Variants in UBE2H observed in about 807,000 individuals in gnomAD.
UBE2H encodes ubiquitin conjugating enzyme E2 H.
UBE2H carries 3 observed loss-of-function variants against 29.0 expected under a neutral mutation model. The ratio of observed to expected loss-of-function variants is 0.10; its 90% confidence interval spans 0.05 to 0.27. The LOEUF is 0.27. Ranked by LOEUF, UBE2H falls within the 10% of genes least tolerant of loss-of-function variation. UBE2H has a pLI of 1.00. For synonymous variants in UBE2H, 69 were observed against 82.9 expected, an observed-to-expected ratio of 0.83 and a Z score of 0.91; for missense variants, 68 against 228.2, an observed-to-expected ratio of 0.30 and a Z score of 4.52.
intron 5 of UBE2H, among the ~76,000 whole-genome samples, chr7:129,841,764 T>C (rs1401568293): frequency 6.6e-6 from 1 of 152,180 alleles, no homozygotes; most frequent in East Asian, 1.9e-4. Flanking sequence ...AGAACGGTCC[T>C]AAAGAGCCAC....
At chr7:129,951,473 T>C (rs1584807176) in intron 1 of UBE2H, 1 of 149,270 alleles carries the variant, frequency 6.7e-6, no homozygotes, top group Non-Finnish European at 1.5e-5. Flanking sequence ...CCCCCTACCC[T>C]CTAAACTACC....
intron 1 of UBE2H, among the ~76,000 whole-genome samples, chr7:129,893,643 C>T (rs540002295): frequency 5.3e-4 from 81 of 152,270 alleles, no homozygotes; most frequent in Non-Finnish European, 9.3e-4. Context: ...ACTTCAGTTA[C>T]GCACTTTAAA....
chr7:129,838,785 C>A (rs1472900630), intron 6 of UBE2H, among the ~76,000 whole-genome samples: 2 of 152,012 alleles, frequency 1.3e-5, no homozygotes, highest in South Asian at 4.2e-4. Context: ...ACTACAGGCG[C>A]GTGCCACCAC....
intron 5 of UBE2H, among the ~76,000 whole-genome samples, chr7:129,856,746 T>C (rs564965127): frequency 6.6e-6 from 1 of 152,262 alleles, no homozygotes; most frequent in Non-Finnish European, 1.5e-5. Context: ...CATGGGTCCA[T>C]TCACATGTGG....
intron 3 of UBE2H, among the ~76,000 whole-genome samples, chr7:129,866,461 C>T (rs945664711): frequency 2.0e-5 from 3 of 152,116 alleles, no homozygotes; most frequent in Non-Finnish European, 4.4e-5. Context: ...GTTTATCTTT[C>T]GATCGCTGGG....
chr7:129,924,189 T>C (rs761084781), intron 1 of UBE2H, among the ~76,000 whole-genome samples: 65 of 152,298 alleles, frequency 4.3e-4, no homozygotes, highest in Non-Finnish European at 7.5e-4. Flanking sequence ...CTGGGCAATA[T>C]AGTGAGACCC....
At chr7:129,872,237 C>A (rs1806054280) in intron 3 of UBE2H, among the ~76,000 whole-genome samples, 1 of 152,118 alleles carries the variant, frequency 6.6e-6, no homozygotes, top group African/African-American at 2.4e-5. Flanking sequence ...TTGTGAATGA[C>A]AAACTCCTCT....
intron 1 of UBE2H, among the ~76,000 whole-genome samples, chr7:129,908,543 T>A (rs190545304): frequency 6.6e-6 from 1 of 152,234 alleles, no homozygotes; most frequent in South Asian, 2.1e-4. Flanking sequence ...CATTTATAGA[T>A]GCCTATTTCA....
intron 1 of UBE2H, among the ~76,000 whole-genome samples, chr7:129,944,257 G>A (rs548541322): frequency 6.6e-6 from 1 of 152,196 alleles, no homozygotes; most frequent in South Asian, 2.1e-4. Context: ...TCAGGAGGCC[G>A]AGGCAGGAGA....
At chr7:129,907,826 G>A (rs1205303426) in intron 1 of UBE2H, among the ~76,000 whole-genome samples, 2 of 152,098 alleles carry the variant, frequency 1.3e-5, no homozygotes, top group Non-Finnish European at 2.9e-5. Context: ...CAAAGATAAA[G>A]ACAAGAATAA....
At chr7:129,939,944 A>G (rs2116514620) in intron 1 of UBE2H, among the ~76,000 whole-genome samples, 1 of 151,746 alleles carries the variant, frequency 6.6e-6, no homozygotes, top group African/African-American at 2.4e-5. Context: ...GGGCGACAAC[A>G]TGAGACTCCA....
intron 5 of UBE2H, among the ~76,000 whole-genome samples, chr7:129,854,071 T>TTTTTTTA (rs1563022999): frequency 1.3e-5 from 2 of 149,910 alleles, no homozygotes; most frequent in Admixed American, 6.6e-5. Context: ...TTTTTTTTTT[T>TTTTTTTA]TTTTTTTTTT....
At chr7:129,900,587 A>C (rs1402230678) in intron 1 of UBE2H, among the ~76,000 whole-genome samples, 1 of 152,176 alleles carries the variant, frequency 6.6e-6, no homozygotes, top group Non-Finnish European at 1.5e-5. Context: ...ATTGTTGGCC[A>C]AATCACTATT....
At chr7:129,902,446 A>T (rs542299988) in intron 1 of UBE2H, among the ~76,000 whole-genome samples, 1 of 152,230 alleles carries the variant, frequency 6.6e-6, no homozygotes, top group African/African-American at 2.4e-5. Flanking sequence ...GGTTGCAGTG[A>T]GCCGAGATGC....
At chr7:129,927,692 G>C (rs761469319) in intron 1 of UBE2H, among the ~76,000 whole-genome samples, 1 of 152,132 alleles carries the variant, frequency 6.6e-6, no homozygotes, top group Admixed American at 6.6e-5. Flanking sequence ...GGGACATTAC[G>C]TTAAGTAAAA....
At chr7:129,875,823 CTG>C (rs907574942) in intron 3 of UBE2H, among the ~76,000 whole-genome samples, 8 of 152,186 alleles carry the variant, frequency 5.3e-5, no homozygotes, top group Admixed American at 1.3e-4. Context: ...AGGCTAAAAA[CTG>C]TGAACCTCGA....
chr7:129,917,402 C>G (rs1422281690), intron 1 of UBE2H, among the ~76,000 whole-genome samples: 1 of 152,214 alleles, frequency 6.6e-6, no homozygotes, highest in Non-Finnish European at 1.5e-5. Flanking sequence ...GACACACCCT[C>G]ACATCCCTAC....
chr7:129,839,406 T>A (rs190397347), intron 5 of UBE2H, 71 bp from the exon 6 acceptor site: 1 of 1,597,532 alleles, frequency 6.3e-7, no homozygotes, highest in Admixed American at 1.7e-5. Flanking sequence ...CATTCAGTAG[T>A]CAAGCTGCTT....
chr7:129,856,861 G>A (rs1179688095), intron 5 of UBE2H: 1 of 152,146 alleles, frequency 6.6e-6, no homozygotes, highest in Non-Finnish European at 1.5e-5. Flanking sequence ...TCTGGGAACT[G>A]ATCCCCTGCA....
Sources: gnomAD v4.1 joint callset for allele counts (sites outside exome capture counted in the v4.1 genomes callset) on GRCh38, gnomAD v4.1.1 for gene constraint, MANE v1.5 for transcripts, NCBI Gene and HGNC (gene_info 2026-07-23, HGNC 2026-07-21) for gene names.